The following AIDA variants were observed in gnomAD, a reference collection of about 807,000 sequenced individuals.
The protein encoded by AIDA is axin interactor, dorsalization-associated protein.
In AIDA, 18 loss-of-function variants were observed where a neutral mutation model predicts 42.7. The ratio of observed to expected loss-of-function variants is 0.42; its 90% CI spans 0.29 to 0.63. AIDA has a LOEUF of 0.63. Ranked by LOEUF, AIDA falls within the 20% of genes least tolerant of loss-of-function variation. The pLI is 0.19. For missense variants in AIDA, 250 were observed against 354.1 expected, an observed-to-expected ratio of 0.71 and a Z score of 2.36; for synonymous variants, 104 against 122.9, an observed-to-expected ratio of 0.85 and a Z score of 1.02.
chr1:222,671,456 G>A (rs894805231), intron 8 of AIDA, among the ~76,000 whole-genome samples: 3 of 152,208 alleles, frequency 2.0e-5, no homozygotes, highest in Non-Finnish European at 4.4e-5. Context: ...CAGTCCAGGA[G>A]CTTGGCTTGC....
intron 2 of AIDA, among the ~76,000 whole-genome samples, chr1:222,697,863 G>GA (rs1655564847): frequency 6.6e-6 from 1 of 151,388 alleles, no homozygotes. Flanking sequence ...AACTGAGGGG[G>GA]AAGAGATGAG....
intron 4 of AIDA, among the ~76,000 whole-genome samples, chr1:222,689,516 TATATAC>T (rs1321699566): frequency 1.3e-3 from 98 of 74,034 alleles, no homozygotes; most frequent in South Asian, 3.7e-3. Flanking sequence ...TATATATATA[TATATAC>T]ACACATACAC....
chr1:222,693,744 A>AT (rs1299419108), intron 4 of AIDA, 45 bp downstream of exon 4: 1 of 1,448,714 alleles, frequency 6.9e-7, no homozygotes, highest in South Asian at 1.2e-5. Context: ...ACAATAGATT[A>AT]TTTTTCCAAA....
intron 6 of AIDA, among the ~76,000 whole-genome samples, chr1:222,682,312 TG>T (rs562071181): frequency 1.5e-3 from 226 of 152,284 alleles, no homozygotes; most frequent in African/African-American, 5.3e-3. Flanking sequence ...AAAGAGGCAA[TG>T]CCTTCTCAGA....
chr1:222,678,713 A>G (rs1417823336), intron 6 of AIDA, among the ~76,000 whole-genome samples: 4 of 152,192 alleles, frequency 2.6e-5, no homozygotes, highest in Non-Finnish European at 5.9e-5. Context: ...TATCTTTACT[A>G]AGGAACAGCT....
Position 222,670,223 on chromosome 1 carries a change from T to C in AIDA, c.734A>G (p.His245Arg), listed in dbSNP as rs749238942. Residue 245 changes from histidine to arginine, a missense_variant, in exon 9 of 10, where the codon CAC (histidine) becomes CGC (arginine). By Grantham distance (29) the His-to-Arg change is conservative. Coordinates refer to ENST00000340020, the MANE Select transcript of AIDA (RefSeq NM_022831.4). ...GGTAAACCTTTTTTTAGGCTTGTAG[T>C]GTTTGAATTCAAAGAAGATAGCTGC... ...KGAAIFFEFKHYKPKKRFTST... is the reference protein window; with the variant it reads ...KGAAIFFEFKRYKPKKRFTST... 2.5e-6 allele frequency: 4 copies of C among 1,613,978 alleles called. No individual in the cohort carries two copies. The South Asian group carries it at 4.4e-5, about 18-fold the overall frequency.
At chr1:222,700,629 G>A (rs1165740367) in intron 2 of AIDA, among the ~76,000 whole-genome samples, 2 of 147,830 alleles carry the variant, frequency 1.4e-5, no homozygotes, top group East Asian at 2.0e-4. Context: ...GGTGGCGGGC[G>A]CCTTAGTCCC....
intron 6 of AIDA, among the ~76,000 whole-genome samples, chr1:222,678,512 C>T (rs1017666309): frequency 6.6e-6 from 1 of 152,044 alleles, no homozygotes; most frequent in Non-Finnish European, 1.5e-5. Context: ...ACATTTCTTT[C>T]TTCCTTACCA....
chr1:222,674,285 G>T (rs958311451), intron 7 of AIDA, among the ~76,000 whole-genome samples: 2 of 152,096 alleles, frequency 1.3e-5, no homozygotes, highest in Non-Finnish European at 2.9e-5. Context: ...TTCGCGGTGG[G>T]AAGGAGGAAA....
chr1:222,676,050 A>G (rs1411174310), intron 7 of AIDA, 46 bp downstream of exon 7: 12 of 1,528,718 alleles, frequency 7.8e-6, no homozygotes, highest in Admixed American at 6.7e-5. Flanking sequence ...GAGAAGCAAC[A>G]TTATAAAATT....
chr1:222,707,814 T>A (rs527654239), intron 1 of AIDA, among the ~76,000 whole-genome samples: 13 of 152,330 alleles, frequency 8.5e-5, no homozygotes, highest in Non-Finnish European at 1.9e-4. Flanking sequence ...TAGCAAAGGA[T>A]CACTTTTTCC....
chr1:222,705,686 C>A (rs936305400), intron 1 of AIDA, among the ~76,000 whole-genome samples: 3 of 152,134 alleles, frequency 2.0e-5, no homozygotes, highest in Admixed American at 6.5e-5. Flanking sequence ...AGTTCGAGAC[C>A]AGCCTAGCCA....
chr1:222,684,318 G>A (rs956774185), intron 6 of AIDA, among the ~76,000 whole-genome samples: 1 of 152,016 alleles, frequency 6.6e-6, no homozygotes, highest in African/African-American at 2.4e-5. Flanking sequence ...CACCATGTTG[G>A]CCAGGCTGGT....
At chr1:222,690,147 A>C (rs1014399880) in intron 4 of AIDA, among the ~76,000 whole-genome samples, 10 of 152,212 alleles carry the variant, frequency 6.6e-5, no homozygotes, top group Non-Finnish European at 1.2e-4. Context: ...ACACAACAAA[A>C]TCACCTAAGG....
At chr1:222,712,024 C>A in intron 1 of AIDA, 184 bp downstream of exon 1, 1 of 797,056 alleles carries the variant, frequency 1.3e-6, no homozygotes, top group Non-Finnish European at 2.0e-6. Flanking sequence ...CCCCAGAGAG[C>A]GGAGCCGTTG....
At chr1:222,686,812 G>C in intron 6 of AIDA, 118 bp downstream of exon 6, 1 of 1,270,144 alleles carries the variant, frequency 7.9e-7, no homozygotes, top group Non-Finnish European at 1.1e-6. Context: ...ATTTGCCTAA[G>C]ATTGGCATGA....
In AIDA at chr1:222,711,979, T is replaced by TC. The variant is rs1656073416; in HGVS notation, c.110+228dup. 3 of 572,076 alleles carry TC rather than the reference T, an allele frequency of 5.2e-6. No homozygotes were observed. The South Asian group carries it at 6.0e-5, about 12-fold the overall frequency. The allele number at this position is 572,076 out of a possible 1,614,324, so 35.4% of individuals were successfully genotyped here. ...AAGGGCTACCTGTTGAATGGAACTGTCCCTGCGGAGGCGGAGAGGGAAGAA... is the reference window on the plus strand; with the variant it reads ...AAGGGCTACCTGTTGAATGGAACTGTCCCCTGCGGAGGCGGAGAGGGAAGAA... On this transcript the variant is annotated intron_variant, in intron 1 of 9. Coordinates refer to ENST00000340020, the MANE Select transcript of AIDA (RefSeq NM_022831.4).
intron 6 of AIDA, among the ~76,000 whole-genome samples, chr1:222,683,026 T>C (rs368415396): frequency 8.5e-4 from 130 of 152,324 alleles, no homozygotes; most frequent in African/African-American, 3.1e-3. Flanking sequence ...TAGCTAGCAA[T>C]TGATAAGCAG....
chr1:222,670,362 C>A, intron 8 of AIDA, 112 bp from the exon 9 acceptor site: 1 of 810,998 alleles, frequency 1.2e-6, no homozygotes, highest in Admixed American at 2.7e-5. Context: ...CATAATTTGA[C>A]AAAACAACTT....
Sources: gnomAD v4.1 joint callset for allele counts (sites outside exome capture counted in the v4.1 genomes callset) on GRCh38, gnomAD v4.1.1 for gene constraint, MANE v1.5 for transcripts, NCBI Gene and HGNC (gene_info 2026-07-23, HGNC 2026-07-21) for gene names.